Variants in PLCB1 observed in about 807,000 individuals in gnomAD.
The protein encoded by PLCB1 is 1-phosphatidylinositol 4,5-bisphosphate phosphodiesterase beta-1.
Under a neutral mutation model 161.8 loss-of-function variants are expected in PLCB1, and 46 were observed. That is an observed-to-expected ratio of 0.28 (90% CI 0.22 to 0.36). The LOEUF (loss-of-function observed/expected upper bound fraction) is 0.36. Among genes scored for constraint, PLCB1 ranks in the 10% least tolerant of loss-of-function variants. The pLI is 1.00. For synonymous variants in PLCB1, 517 were observed against 503.7 expected, an observed-to-expected ratio of 1.03 and a Z score of -0.35; for missense variants, 1,016 against 1,472.5, an observed-to-expected ratio of 0.69 and a Z score of 5.07.
intron 31 of PLCB1, among the ~76,000 whole-genome samples, chr20:8,841,654 C>A (rs1304099696): frequency 1.3e-5 from 2 of 152,198 alleles, no homozygotes; most frequent in Non-Finnish European, 2.9e-5. Flanking sequence ...TATCTCCACT[C>A]TTACACGTGT....
At chr20:8,804,803 A>G (rs1312853454) in intron 31 of PLCB1, among the ~76,000 whole-genome samples, 3 of 152,200 alleles carry the variant, frequency 2.0e-5, no homozygotes, top group East Asian at 3.9e-4. Flanking sequence ...CAGCCTGACC[A>G]AAATGGTGAA....
At position 8,882,097 on chromosome 20, in the gene PLCB1, A is replaced by G. The variant is rs1175989348; in HGVS notation, c.*248A>G. On this transcript the variant is annotated 3_prime_UTR_variant, in exon 32 of 32. Coordinates refer to ENST00000338037, the MANE Select transcript of PLCB1 (RefSeq NM_015192.4). ...ATGTGAGATTTTTGTTTTCTTTCCA[A>G]TAGCAAATTCAAAGCAAGCAACTTG... 1.8e-5 allele frequency: 7 copies of G among 397,810 alleles called. 1 individual carries two copies. Among genetic ancestry groups the G allele is most frequent in the Non-Finnish European group, 2.7e-5 (6 of 222,382 alleles). The allele number at this position is 397,810 out of a possible 1,614,324, so 24.6% of individuals were successfully genotyped here.
At chr20:8,684,230 T>TTA (rs1196222021) in intron 9 of PLCB1, among the ~76,000 whole-genome samples, 259 of 24,646 alleles carry the variant, frequency 0.011, no homozygotes, top group African/African-American at 0.063. Context: ...CACTTGTAAA[T>TTA]TATTTATTTA....
chr20:8,539,132 A>G (rs1314540261), intron 3 of PLCB1, among the ~76,000 whole-genome samples: 38 of 152,230 alleles, frequency 2.5e-4, no homozygotes, highest in Non-Finnish European at 1.5e-5. Context: ...AAGTAATCAA[A>G]TATTTTCATC....
At chr20:8,820,469 TC>T (rs1318057298) in intron 31 of PLCB1, among the ~76,000 whole-genome samples, 5 of 152,156 alleles carry the variant, frequency 3.3e-5, no homozygotes, top group African/African-American at 4.8e-5. Flanking sequence ...ATTTTTTAAG[TC>T]TAACAATATC....
At chr20:8,831,916 T>G (rs866920734) in intron 31 of PLCB1, among the ~76,000 whole-genome samples, 1 of 13,052 alleles carries the variant, frequency 7.7e-5, no homozygotes, top group South Asian at 4.7e-3. Flanking sequence ...TTCTTTCTCT[T>G]TCTTTCTTTC....
At chr20:8,517,753 A>G (rs1373166543) in intron 3 of PLCB1, among the ~76,000 whole-genome samples, 34 of 152,190 alleles carry the variant, frequency 2.2e-4, no homozygotes, top group Admixed American at 2.2e-3. Flanking sequence ...CTAGTTCAGA[A>G]CATACATTCA....
chr20:8,413,227 T>C (rs550790029), intron 3 of PLCB1, among the ~76,000 whole-genome samples: 1 of 152,328 alleles, frequency 6.6e-6, no homozygotes, highest in African/African-American at 2.4e-5. Context: ...GTTTAAACTA[T>C]AAACAAGGAA....
intron 2 of PLCB1, among the ~76,000 whole-genome samples, chr20:8,289,710 G>A (rs1983296151): frequency 6.6e-6 from 1 of 152,004 alleles, no homozygotes; most frequent in Admixed American, 6.5e-5. Context: ...CCCTCTGGTG[G>A]ATCTCACAGT....
chr20:8,858,224 C>T (rs1254312717), intron 31 of PLCB1, among the ~76,000 whole-genome samples: 2 of 152,304 alleles, frequency 1.3e-5, no homozygotes, highest in African/African-American at 2.4e-5. Flanking sequence ...CACTCACACA[C>T]ACACACCACG....
At chr20:8,336,349 A>T (rs977887778) in intron 2 of PLCB1, among the ~76,000 whole-genome samples, 2 of 152,162 alleles carry the variant, frequency 1.3e-5, no homozygotes, top group Non-Finnish European at 2.9e-5. Context: ...TGGCCCATGT[A>T]TTTTCCTTAA....
chr20:8,506,486 T>C (rs774599838), intron 3 of PLCB1, among the ~76,000 whole-genome samples: 4 of 152,196 alleles, frequency 2.6e-5, no homozygotes, highest in Non-Finnish European at 5.9e-5. Context: ...TCCATAGATA[T>C]TGAACTTGAA....
At chr20:8,710,269 C>T (rs1217047516) in intron 12 of PLCB1, among the ~76,000 whole-genome samples, 3 of 152,018 alleles carry the variant, frequency 2.0e-5, no homozygotes, top group Admixed American at 2.0e-4. Flanking sequence ...AGGTGTCACA[C>T]ACTTTTAAAC....
At chr20:8,795,139 G>A (rs966740105) in intron 31 of PLCB1, among the ~76,000 whole-genome samples, 1 of 152,162 alleles carries the variant, frequency 6.6e-6, no homozygotes, top group Non-Finnish European at 1.5e-5. Context: ...GACCAAATGT[G>A]GCCAGTCACA....
At chr20:8,335,560 G>A (rs1378457936) in intron 2 of PLCB1, among the ~76,000 whole-genome samples, 1 of 152,104 alleles carries the variant, frequency 6.6e-6, no homozygotes, top group Non-Finnish European at 1.5e-5. Flanking sequence ...ACACTTGAGG[G>A]TCTCTGTGTA....
rs567163703 is a variant in PLCB1 at position 8,821,096 on chromosome 20, A to G, written c.3423+30835A>G. Among the ~76,000 whole-genome samples, 28 of 152,290 alleles carry G rather than the reference A, an allele frequency of 1.8e-4. No homozygotes were observed. The South Asian group carries it at 5.8e-3, about 32-fold the overall frequency. ...TATGCTTCAATGTTCTTTATATCTT[A>G]TGACTATTTTACCCTCTTTTATATG... is the stretch of plus-strand genomic sequence containing the variant. On this transcript the variant is annotated intron_variant, in intron 31 of 31. Coordinates refer to ENST00000338037, the MANE Select transcript of PLCB1 (RefSeq NM_015192.4).
chr20:8,788,924 C>G (rs75322791), intron 29 of PLCB1, among the ~76,000 whole-genome samples: 1 of 152,154 alleles, frequency 6.6e-6, no homozygotes, highest in South Asian at 2.1e-4. Context: ...TGAGGCACAC[C>G]CAGGGCCTTT....
chr20:8,587,906 G>T (rs1987038468), intron 3 of PLCB1, among the ~76,000 whole-genome samples: 1 of 152,130 alleles, frequency 6.6e-6, no homozygotes. Context: ...GATAAATGAG[G>T]TGACTTACCA....
intron 2 of PLCB1, among the ~76,000 whole-genome samples, chr20:8,172,260 G>C (rs971343625): frequency 2.6e-5 from 4 of 152,168 alleles, no homozygotes; most frequent in African/African-American, 9.7e-5. Flanking sequence ...TTCAGGGAGG[G>C]AGTAGTGGTA....
Sources: allele counts gnomAD v4.1 joint callset (sites outside exome capture counted in the v4.1 genomes callset), GRCh38; gene constraint gnomAD v4.1.1; transcripts MANE v1.5; gene names NCBI Gene and HGNC (gene_info 2026-07-23, HGNC 2026-07-21).